Variants in PTPN18 observed in about 807,000 individuals in gnomAD.
The protein encoded by PTPN18 is protein tyrosine phosphatase non-receptor type 18.
In PTPN18, 65 loss-of-function variants were observed where a neutral mutation model predicts 65.4. The ratio of observed to expected loss-of-function variants is 0.99; its 90% CI spans 0.81 to 1.22. The LOEUF is 1.22. PTPN18 is among the 50% of genes most tolerant of loss of function. The pLI is 0.00. For synonymous variants in PTPN18, 255 were observed against 267.8 expected, an observed-to-expected ratio of 0.95 and a Z score of 0.47; for missense variants, 616 against 646.5, an observed-to-expected ratio of 0.95 and a Z score of 0.51.
At position 130,372,917 on chromosome 2, in the gene PTPN18, G is replaced by C; in HGVS notation, c.1285G>C (p.Val429Leu). The part of the protein sequence containing the change: ...SPAGSGAYED[V>L]AGGAQTGGLG... ...TGCCGGATCTGGCGCCTACGAGGAC[G>C]TGGCGGGTGGAGCTCAGACCGGTGG... The change falls in exon 14 of 15, where the codon GTG becomes CTG. Residue 429 changes from valine to leucine, a missense_variant. Physicochemically the swap from Val to Leu is conservative, Grantham distance 32. This residue lies in a region of PTPN18 where 368 missense variants were observed against 386.7 expected (regional missense o/e 0.95). Transcript: ENST00000175756. The C allele has an allele frequency of 6.2e-7, 1 of 1,614,178 alleles. No individual in the cohort carries two copies. Among genetic ancestry groups the C allele is most frequent in the Non-Finnish European group, 8.5e-7 (1 of 1,180,034 alleles).
intron 5 of PTPN18, among the ~76,000 whole-genome samples, chr2:130,364,512 A>G (rs1573861078): frequency 6.6e-6 from 1 of 152,256 alleles, no homozygotes; most frequent in East Asian, 1.9e-4. Flanking sequence ...ACATTGGTAT[A>G]CAGGCTGGAC....
At position 130,370,192 on chromosome 2, in the gene PTPN18, T is replaced by A; in HGVS notation, c.689+2T>A. 1 of 1,610,188 alleles carries A rather than the reference T, an allele frequency of 6.2e-7. No individual in the cohort carries two copies. Among genetic ancestry groups the A allele is most frequent in the Non-Finnish European group, 8.5e-7 (1 of 1,179,954 alleles). ...TGAACCCCTCTGTGTCCACTGCAGG[T>A]TTTGGAAATGGGCTTCAGGAGGGTC... On this transcript the variant is annotated splice_donor_variant, in intron 8 of 14. Coordinates refer to ENST00000175756, the MANE Select transcript of PTPN18 (RefSeq NM_014369.4). LOFTEE classifies it high-confidence loss of function.
intron 3 of PTPN18, 21 bp from the exon 4 acceptor site, chr2:130,359,373 AGTC>A: frequency 6.2e-7 from 1 of 1,613,530 alleles, no homozygotes; most frequent in Non-Finnish European, 8.5e-7. Flanking sequence ...GCAGAATCTC[AGTC>A]GTGAATTCGG....
intron 3 of PTPN18, 29 bp from the exon 4 acceptor site, chr2:130,359,368 A>T (rs773479102): frequency 3.7e-6 from 6 of 1,614,008 alleles, no homozygotes; most frequent in Non-Finnish European, 5.1e-6. Context: ...GGGCCGCAGA[A>T]TCTCAGTCGT....
At chr2:130,359,565 C>G in intron 4 of PTPN18, 43 bp from the exon 5 acceptor site, 4 of 1,613,376 alleles carry the variant, frequency 2.5e-6, no homozygotes, top group Non-Finnish European at 3.4e-6. Context: ...CCCTGGCCCC[C>G]TCACCCAAAT....
At position 130,372,421 on chromosome 2, in the gene PTPN18, C is replaced by T. The variant is rs1204192185; in HGVS notation, c.1178C>T (p.Thr393Met). The change falls in exon 13 of 15, where the codon ACG becomes ATG. Residue 393 changes from threonine (T) to methionine (M), a missense_variant. Physicochemically the swap from Thr to Met is moderately conservative, Grantham distance 81 (BLOSUM62 -1). Coordinates refer to ENST00000175756, the MANE Select transcript of PTPN18 (RefSeq NM_014369.4). ...GAGGCGCCGCTCTACAGCAAGGTGA[C>T]GCCGCGCGCCCAGCGACCCGGGGCG... Reference protein sequence around the residue: ...AEEAPLYSKVTPRAQRPGAHA... With the variant: ...AEEAPLYSKVMPRAQRPGAHA... The T allele has an allele frequency of 1.5e-6, 2 of 1,365,728 alleles. No individual in the cohort carries two copies. The highest frequency in any genetic ancestry group is 1.9e-6 in the Non-Finnish European group (2 of 1,065,382). The allele number at this position is 1,365,728 out of a possible 1,614,324, so 84.6% of individuals were successfully genotyped here. A position where few individuals can be genotyped will look rare whatever the true frequency, so the allele number is the denominator to read the frequency against.
Position 130,372,297 on chromosome 2 carries a change from G to A in PTPN18, c.1054G>A (p.Asp352Asn), listed in dbSNP as rs544975554. The change falls in exon 13 of 15, where the codon GAC becomes AAC. Residue 352 changes from aspartate (D) to asparagine (N), a missense_variant. By Grantham distance (23) the Asp-to-Asn change is conservative. Coordinates refer to ENST00000175756, the MANE Select transcript of PTPN18 (RefSeq NM_014369.4). ...VPGSPGHAMA[D>N]TYAVVQKRGA... The stretch of plus-strand genomic sequence containing the variant: ...CGGGTCCCCGGGCCACGCCATGGCT[G>A]ACACCTACGCGGTGGTGCAGAAGCG... The A allele has an allele frequency of 2.0e-4, 310 of 1,555,586 alleles. 1 individual carries two copies. In the Admixed American group the frequency reaches 5.7e-3, roughly 29 times the overall value.
At position 130,372,559 on chromosome 2, in the gene PTPN18, G is replaced by C; in HGVS notation, c.1240+76G>C. ...GGGCGGAACCATCCTGCAGTGGTCCGTCAGGCCCTGGCGGCCGCGGGGACC... is the reference window on the plus strand; with the variant it reads ...GGGCGGAACCATCCTGCAGTGGTCCCTCAGGCCCTGGCGGCCGCGGGGACC... On this transcript the variant is annotated intron_variant, in intron 13 of 14. Coordinates refer to ENST00000175756, the MANE Select transcript of PTPN18 (RefSeq NM_014369.4). 2.9e-6 allele frequency: 4 copies of C among 1,397,158 alleles called. No homozygotes were observed. The South Asian group carries it at 4.7e-5, about 16-fold the overall frequency. 86.5% of individuals were successfully genotyped at this position (1,397,158 alleles called of 1,614,324 possible). A position where few individuals can be genotyped will look rare whatever the true frequency, so the allele number is the denominator to read the frequency against.
At chr2:130,372,815 G>T in intron 13 of PTPN18, 58 bp from the exon 14 acceptor site, 1 of 1,590,348 alleles carries the variant, frequency 6.3e-7, no homozygotes, top group East Asian at 2.2e-5. Context: ...CTAGGGGTGG[G>T]GTCTTGGGAC....
At chr2:130,361,513 T>TCTTA (rs1680194260) in intron 5 of PTPN18, among the ~76,000 whole-genome samples, 1 of 9,462 alleles carries the variant, frequency 1.1e-4, no homozygotes, top group African/African-American at 2.6e-4. Flanking sequence ...CTTTTCTTTC[T>TCTTA]CTTTCTTTCT....
In PTPN18 at chr2:130,373,210, T is replaced by G; in HGVS notation, c.1369T>G (p.Trp457Gly). ...GGGTCCCCGGGACCCGCCTGCTGAG[T>G]GGACCCGGGTGTAAGTCTAACGCCA... ...PKGPRDPPAE[W>G]TRV Residue 457 changes from tryptophan (W) to glycine (G), a missense_variant, in exon 15 of 15, where the codon TGG (tryptophan) becomes GGG (glycine). Physicochemically the swap from Trp to Gly is radical, Grantham distance 184. Around this residue, in one of 3 missense-constraint regions of PTPN18, gnomAD observed 368 missense variants for 386.7 expected, o/e 0.95. Coordinates refer to ENST00000175756, the MANE Select transcript of PTPN18 (RefSeq NM_014369.4). The surrounding 1 kb of genome is among the most constrained non-coding windows in gnomAD (Gnocchi z 4.1). 1 of 1,600,598 alleles carries G rather than the reference T, an allele frequency of 6.2e-7. No individual in the cohort carries two copies. The highest frequency in any genetic ancestry group is 8.5e-7 in the Non-Finnish European group (1 of 1,174,216).
chr2:130,372,241 C>T lies in PTPN18; in HGVS notation c.1014-16C>T. On this transcript the variant is annotated splice_polypyrimidine_tract_variant and intron_variant, in intron 12 of 14. Coordinates refer to ENST00000175756, the MANE Select transcript of PTPN18 (RefSeq NM_014369.4). ...GCGCCGCCGTTTCACTTCCTCCCGG[C>T]CCTCCCTGCCTGCAGGAGCATCTCT... The T allele has an allele frequency of 1.9e-6, 3 of 1,567,904 alleles. No homozygotes were observed. Among genetic ancestry groups the T allele is most frequent in the Non-Finnish European group, 2.6e-6 (3 of 1,165,296 alleles).
In PTPN18 at chr2:130,372,888, G is replaced by A. The variant is rs1175610917; in HGVS notation, c.1256G>A (p.Ser419Asn). ...TLPGRVPADQSPAGSGAYEDV... is the reference protein window; with the variant it reads ...TLPGRVPADQNPAGSGAYEDV... Reference sequence around the variant, plus strand: ...CTGCCCTCAGTTCCTGCTGACCAAAGTCCTGCCGGATCTGGCGCCTACGAG... The same window carrying A: ...CTGCCCTCAGTTCCTGCTGACCAAAATCCTGCCGGATCTGGCGCCTACGAG... Residue 419 changes from serine (S) to asparagine (N), a missense_variant, in exon 14 of 15, where the codon AGT (serine) becomes AAT (asparagine). Ser to Asn is a conservative substitution (Grantham distance 46). This residue lies in a region of PTPN18 where 368 missense variants were observed against 386.7 expected (regional missense o/e 0.95). Transcript: ENST00000175756. 5.0e-6 allele frequency: 8 copies of A among 1,614,216 alleles called. No individual in the cohort carries two copies. In the South Asian group the frequency reaches 8.8e-5, roughly 18 times the overall value.
In PTPN18 at chr2:130,373,949, A is replaced by T. The variant is rs1680659461; in HGVS notation, c.*725A>T. ...TATAAACAGATCCCCTGCTGAACAGATACACAGAGTTCTCAGACCCCACCC... is the reference window on the plus strand; with the variant it reads ...TATAAACAGATCCCCTGCTGAACAGTTACACAGAGTTCTCAGACCCCACCC... On this transcript the variant is annotated 3_prime_UTR_variant, in exon 15 of 15. Transcript: ENST00000175756. This position sits in a 1 kb window ranked among gnomAD's most constrained non-coding sequence, Gnocchi z 4.1. 6.5e-6 allele frequency: 1 copy of T among 153,038 alleles called. No homozygotes were observed. Among genetic ancestry groups the T allele is most frequent in the African/African-American group, 2.4e-5 (1 of 41,448 alleles). 9.5% of individuals were successfully genotyped at this position (153,038 alleles called of 1,614,324 possible).
chr2:130,363,650 ACTATT>A (rs1680296256), intron 5 of PTPN18, among the ~76,000 whole-genome samples: 1 of 152,164 alleles, frequency 6.6e-6, no homozygotes, highest in African/African-American at 2.4e-5. Flanking sequence ...TTTGCTGAAT[ACTATT>A]CCATTGAATG....
rs375529359 is a variant in PTPN18, at chr2:130,371,323, A to G, written c.1013+36A>G. Reference sequence around the variant, plus strand: ...CCATCCCCGGATTCTTCCCTGCCCAATTTCTCAGGCTAACCCCTTCTTCAT... The same window carrying G: ...CCATCCCCGGATTCTTCCCTGCCCAGTTTCTCAGGCTAACCCCTTCTTCAT... On this transcript the variant is annotated intron_variant, in intron 12 of 14. Transcript: ENST00000175756. 4.7e-6 allele frequency: 7 copies of G among 1,501,766 alleles called. No individual in the cohort carries two copies. In the African/African-American group the frequency reaches 5.5e-5, roughly 12 times the overall value. 93.0% of individuals were successfully genotyped at this position (1,501,766 alleles called of 1,614,324 possible).
At position 130,369,923 on chromosome 2, in the gene PTPN18, C is replaced by T. The variant is rs1172115738; in HGVS notation, c.546+96C>T. The stretch of plus-strand genomic sequence containing the variant: ...GGCATCATACTAGTACCCACTTCCT[C>T]AGTTATTGTCTGGTAGACATAAATG... On this transcript the variant is annotated intron_variant, in intron 7 of 14. Coordinates refer to ENST00000175756, the MANE Select transcript of PTPN18 (RefSeq NM_014369.4). 1.9e-6 allele frequency: 3 copies of T among 1,539,620 alleles called. No homozygotes were observed. In the Admixed American group the frequency reaches 5.2e-5, roughly 27 times the overall value.
At chr2:130,372,530 C>T in intron 13 of PTPN18, 47 bp downstream of exon 13, 1 of 1,400,514 alleles carries the variant, frequency 7.1e-7, no homozygotes, top group Non-Finnish European at 9.2e-7. Context: ...TGCTGTGATC[C>T]GCAGGGCGGA....
At position 130,370,830 on chromosome 2, in the gene PTPN18, C is replaced by G. The variant is rs556476851; in HGVS notation, c.835-45C>G. On this transcript the variant is annotated intron_variant, in intron 10 of 14. Coordinates refer to ENST00000175756, the MANE Select transcript of PTPN18 (RefSeq NM_014369.4). ...TTCAGGGACAGTGGCCCACTGCTGT[C>G]ATTTGCCCCTGCCTTCCCTTCTTGA... 4 of 1,612,004 alleles carry G rather than the reference C, an allele frequency of 2.5e-6. No homozygotes were observed. The African/African-American group carries it at 4.0e-5, about 16-fold the overall frequency.
Sources: gnomAD v4.1 joint callset for allele counts (sites outside exome capture counted in the v4.1 genomes callset) on GRCh38, gnomAD v4.1.1 for gene constraint, gnomAD v4.1.1 regional missense constraint, Gnocchi (gnomAD v3.1) non-coding constraint, MANE v1.5 for transcripts, NCBI Gene and HGNC (gene_info 2026-07-23, HGNC 2026-07-21) for gene names.